The following TJP1 variants were observed in gnomAD, a reference collection of about 807,000 sequenced individuals.
The protein encoded by TJP1 is tight junction protein ZO-1.
Under a neutral mutation model 194.2 loss-of-function variants are expected in TJP1, and 43 were observed. That is an observed-to-expected ratio of 0.22 (90% CI 0.17 to 0.29). TJP1 has a LOEUF of 0.29. Among genes scored for constraint, TJP1 ranks in the 10% least tolerant of loss-of-function variants. The probability of loss-of-function intolerance (pLI) is 1.00; values close to 1 mark genes in which losing one functional copy is unlikely to be tolerated. For missense variants in TJP1, 1,971 were observed against 2,185.7 expected, an observed-to-expected ratio of 0.90 and a Z score of 1.96; for synonymous variants, 801 against 779.0, an observed-to-expected ratio of 1.03 and a Z score of -0.47.
At chr15:29,728,454 T>C (rs1197767023) in intron 15 of TJP1, 2 of 159,490 alleles carry the variant, frequency 1.3e-5, no homozygotes, top group Non-Finnish European at 2.8e-5. Flanking sequence ...TACCTTGGCA[T>C]GTCCATCAAC....
intron 1 of TJP1, chr15:29,820,741 C>T: frequency 5.1e-6 from 3 of 587,796 alleles, no homozygotes; most frequent in Non-Finnish European, 9.1e-6. Context: ...CAAAATGTTG[C>T]CTTTTATCCT....
chr15:29,895,786 A>G (rs1421189362), intron 2 of TJP1, among the ~76,000 whole-genome samples: 2 of 152,204 alleles, frequency 1.3e-5, no homozygotes, highest in Admixed American at 6.5e-5. Flanking sequence ...TCCCAGTACC[A>G]GTTTCTGTCT....
In TJP1 at chr15:29,719,135, A is replaced by C. The variant is rs1162571260; in HGVS notation, c.3007T>G (p.Tyr1003Asp). 6 of 1,579,116 alleles carry C rather than the reference A, an allele frequency of 3.8e-6. No homozygotes were observed. Among genetic ancestry groups the C allele is most frequent in the Non-Finnish European group, 3.4e-6 (4 of 1,166,830 alleles). The stretch of plus-strand genomic sequence containing the variant: ...TCCTCGGGATATGGATCCTTTCTAT[A>C]CACCTGTATAAAAAATTCACATTTA... ...LSSHVDPTKV[Y>D]RKDPYPEEMM... The change falls in exon 21 of 28, where the codon TAT (tyrosine) becomes GAT (aspartate). Residue 1003 changes from tyrosine (Y) to aspartate (D), a missense_variant. By Grantham distance (160) the Tyr-to-Asp change is radical. Coordinates refer to ENST00000614355, the MANE Select transcript of TJP1 (RefSeq NM_001330239.4).
intron 2 of TJP1, among the ~76,000 whole-genome samples, chr15:29,793,285 T>A (rs1395910535): frequency 6.6e-6 from 1 of 152,182 alleles, no homozygotes; most frequent in Non-Finnish European, 1.5e-5. Context: ...TCCTTCTACA[T>A]CCAGTTGAGT....
At chr15:29,774,865 T>G (rs1833462265) in intron 2 of TJP1, among the ~76,000 whole-genome samples, 1 of 151,688 alleles carries the variant, frequency 6.6e-6, no homozygotes, top group Admixed American at 6.6e-5. Context: ...TCTCTATATA[T>G]TCTCCCAAAA....
At chr15:29,767,932 T>C (rs912096854) in intron 4 of TJP1, among the ~76,000 whole-genome samples, 1 of 152,170 alleles carries the variant, frequency 6.6e-6, no homozygotes, top group Non-Finnish European at 1.5e-5. Context: ...TCAATTACCA[T>C]ACTCCAGGTT....
chr15:29,968,471 A>G (rs1021815337), intron 1 of TJP1: 1 of 942,396 alleles, frequency 1.1e-6, no homozygotes, highest in African/African-American at 1.8e-5. Context: ...GGCACGCGGT[A>G]CAAGGCGGCG....
intron 12 of TJP1, among the ~76,000 whole-genome samples, chr15:29,733,992 T>C (rs2043844612): frequency 6.6e-6 from 1 of 152,218 alleles, no homozygotes; most frequent in African/African-American, 2.4e-5. Flanking sequence ...ATGGTTCTGA[T>C]GGCTAATAAA....
intron 2 of TJP1, among the ~76,000 whole-genome samples, chr15:29,859,751 C>A (rs2152099296): frequency 6.6e-6 from 1 of 152,294 alleles, no homozygotes; most frequent in South Asian, 2.1e-4. Flanking sequence ...ATACAAGCAG[C>A]TTCTTCCGAG....
chr15:29,827,791 C>T (rs1460915401), intron 2 of TJP1, among the ~76,000 whole-genome samples: 1 of 152,032 alleles, frequency 6.6e-6, no homozygotes, highest in Non-Finnish European at 1.5e-5. Context: ...TTTTTTCCTC[C>T]CTTTGAAACA....
intron 1 of TJP1, among the ~76,000 whole-genome samples, chr15:29,962,411 A>C (rs1445417194): frequency 6.6e-6 from 1 of 152,248 alleles, no homozygotes; most frequent in East Asian, 1.9e-4. Context: ...AATAACACAG[A>C]ATCGGGCAAA....
intron 2 of TJP1, among the ~76,000 whole-genome samples, chr15:29,949,004 C>A (rs1204921073): frequency 1.3e-5 from 2 of 149,812 alleles, no homozygotes; most frequent in East Asian, 4.0e-4. Flanking sequence ...TTCACCACCA[C>A]CTCCACCACT....
intron 1 of TJP1, among the ~76,000 whole-genome samples, chr15:29,808,247 G>T (rs938137673): frequency 7.2e-5 from 11 of 152,194 alleles, no homozygotes; most frequent in Non-Finnish European, 1.5e-4. Context: ...CAGCCTGGGT[G>T]ACACAGTGAG....
Position 29,708,972 on chromosome 15 carries a change from CTGAGA to C in TJP1, c.4432_4436del (p.Ser1478GlufsTer2). ...GTGGTCTGAAAGTTGCTGGCTTATT[CTGAGA>C]TGGAGGTGGGTCTGGTTTGGACACT... On this transcript the variant is annotated frameshift_variant, in exon 25 of 28. Coordinates refer to ENST00000614355, the MANE Select transcript of TJP1 (RefSeq NM_001330239.4). LOFTEE classifies it high-confidence loss of function. The C allele has an allele frequency of 6.2e-7, 1 of 1,614,142 alleles. No homozygotes were observed. Among genetic ancestry groups the C allele is most frequent in the Non-Finnish European group, 8.5e-7 (1 of 1,180,028 alleles).
intron 1 of TJP1, among the ~76,000 whole-genome samples, chr15:29,964,797 A>G (rs1416428066): frequency 6.6e-6 from 1 of 152,206 alleles, no homozygotes; most frequent in Admixed American, 6.5e-5. Context: ...TGTGTTCCTA[A>G]GTAATGATTC....
At chr15:29,832,326 G>A (rs2050862106) in intron 2 of TJP1, among the ~76,000 whole-genome samples, 1 of 152,158 alleles carries the variant, frequency 6.6e-6, no homozygotes, top group Non-Finnish European at 1.5e-5. Flanking sequence ...AGACATATGA[G>A]TGAGGGAATT....
At chr15:29,833,881 A>ATATATATTTTTTTTTTTTTTATTT (rs1555434000) in intron 2 of TJP1, among the ~76,000 whole-genome samples, 1 of 12,618 alleles carries the variant, frequency 7.9e-5, no homozygotes, top group Non-Finnish European at 1.4e-4. Flanking sequence ...ATATATATAT[A>ATATATATTTTTTTTTTTTTTATTT]TTTTTTTTTT....
chr15:29,724,726 C>T (rs763148669), intron 18 of TJP1, among the ~76,000 whole-genome samples: 1 of 152,298 alleles, frequency 6.6e-6, no homozygotes, highest in East Asian at 1.9e-4. Flanking sequence ...ATGAAATATA[C>T]TTGAAGAGAA....
At chr15:29,726,644 A>G in intron 17 of TJP1, 137 bp downstream of exon 17, 1 of 1,115,888 alleles carries the variant, frequency 9.0e-7, no homozygotes, top group South Asian at 1.5e-5. Flanking sequence ...TTAACCAAAC[A>G]GCAGGTGTTA....
Sources: allele counts gnomAD v4.1 joint callset (sites outside exome capture counted in the v4.1 genomes callset), GRCh38; gene constraint gnomAD v4.1.1; transcripts MANE v1.5; gene names NCBI Gene and HGNC (gene_info 2026-07-23, HGNC 2026-07-21).